SLC35F1: variants seen among roughly 807,000 people sequenced by gnomAD.
The protein encoded by SLC35F1 is solute carrier family 35 member F1.
A neutral mutation model predicts 48.7 loss-of-function variants in SLC35F1; 14 were observed. That is an observed-to-expected ratio of 0.29 (90% CI 0.19 to 0.45). The LOEUF (loss-of-function observed/expected upper bound fraction) is 0.45, where lower values mean the gene tolerates loss of function less well. Ranked by LOEUF, SLC35F1 falls within the 20% of genes least tolerant of loss-of-function variation. SLC35F1 has a pLI of 1.00. For missense variants in SLC35F1, 404 were observed against 500.0 expected (o/e 0.81, Z 1.83); for synonymous variants, 190 against 202.2 (o/e 0.94, Z 0.51).
At chr6:118,238,401 G>A (rs1170992854) in intron 3 of SLC35F1, among the ~76,000 whole-genome samples, 1 of 148,908 alleles carries the variant, frequency 6.7e-6, no homozygotes, top group Non-Finnish European at 1.5e-5. Flanking sequence ...GTAGTCCTGG[G>A]TGATATAGCA....
chr6:118,103,328 T>C (rs1773284669), intron 1 of SLC35F1, among the ~76,000 whole-genome samples: 1 of 152,226 alleles, frequency 6.6e-6, no homozygotes, highest in Non-Finnish European at 1.5e-5. Context: ...TGCAGGTTTG[T>C]TACATATGTA....
At chr6:118,195,011 A>G (rs932901537) in intron 2 of SLC35F1, among the ~76,000 whole-genome samples, 1 of 152,224 alleles carries the variant, frequency 6.6e-6, no homozygotes, top group Non-Finnish European at 1.5e-5. Flanking sequence ...CTGCCAGAGC[A>G]AAATGTGTGT....
chr6:118,166,885 CT>C (rs1468109580), intron 2 of SLC35F1, among the ~76,000 whole-genome samples: 2 of 152,122 alleles, frequency 1.3e-5, no homozygotes, highest in Non-Finnish European at 2.9e-5. Context: ...GAGTTTTATA[CT>C]TTTAGTTCTG....
intron 1 of SLC35F1, among the ~76,000 whole-genome samples, chr6:118,082,102 G>T (rs1225522725): frequency 6.6e-6 from 1 of 152,190 alleles, no homozygotes; most frequent in African/African-American, 2.4e-5. Context: ...CATATGAAAT[G>T]CTTACATAGC....
chr6:118,076,985 C>T (rs1172292873), intron 1 of SLC35F1, among the ~76,000 whole-genome samples: 2 of 152,110 alleles, frequency 1.3e-5, no homozygotes, highest in Non-Finnish European at 2.9e-5. Context: ...CTTTTCAAGC[C>T]TCTTTCGTCT....
chr6:118,235,984 C>A (rs749773443), intron 3 of SLC35F1, among the ~76,000 whole-genome samples: 3 of 152,010 alleles, frequency 2.0e-5, no homozygotes, highest in Non-Finnish European at 4.4e-5. Flanking sequence ...CTTATGTTAG[C>A]AGGAGAATTA....
chr6:118,081,835 GTC>G (rs1174497739), intron 1 of SLC35F1, among the ~76,000 whole-genome samples: 3 of 152,160 alleles, frequency 2.0e-5, no homozygotes, highest in African/African-American at 7.2e-5. Flanking sequence ...TTTGCTGTGA[GTC>G]TGCAGAATGG....
chr6:118,041,224 G>T (rs923627650), intron 1 of SLC35F1, among the ~76,000 whole-genome samples: 1 of 152,092 alleles, frequency 6.6e-6, no homozygotes, highest in African/African-American at 2.4e-5. Flanking sequence ...TATAAAGGAG[G>T]TTGAATATTT....
In SLC35F1 at chr6:118,139,168, A is replaced by G. The variant is rs185597653; in HGVS notation, c.174-15277A>G. ...CGCTCTAGTGCCCAGGCTGGAGCGC[A>G]GTGGTGTGATCTCAGCTCACTGCAA... On this transcript the variant is annotated intron_variant, in intron 1 of 7. Coordinates refer to ENST00000360388, the MANE Select transcript of SLC35F1 (RefSeq NM_001029858.4). 3.5e-3 allele frequency among the ~76,000 whole-genome samples: 526 copies of G among 152,222 alleles called. 5 individuals are homozygous for G. The highest frequency in any genetic ancestry group is 0.012 in the African/African-American group (486 of 41,534).
chr6:118,139,831 T>C (rs1189944498), intron 1 of SLC35F1, among the ~76,000 whole-genome samples: 1 of 152,220 alleles, frequency 6.6e-6, no homozygotes, highest in East Asian at 1.9e-4. Context: ...CAGGCAGCAT[T>C]ATTGCTGCTG....
At chr6:118,157,977 G>T (rs1774170852) in intron 2 of SLC35F1, among the ~76,000 whole-genome samples, 1 of 152,192 alleles carries the variant, frequency 6.6e-6, no homozygotes, top group African/African-American at 2.4e-5. Flanking sequence ...TGGACAGGAA[G>T]AAAGACCAAT....
chr6:118,306,750 C>A (rs750936354), intron 7 of SLC35F1, among the ~76,000 whole-genome samples: 1 of 152,124 alleles, frequency 6.6e-6, no homozygotes, highest in Non-Finnish European at 1.5e-5. Context: ...TATTGGAATG[C>A]AGAAAATAGA....
intron 2 of SLC35F1, among the ~76,000 whole-genome samples, chr6:118,161,060 T>C (rs1388421515): frequency 6.6e-6 from 1 of 151,568 alleles, no homozygotes; most frequent in Non-Finnish European, 1.5e-5. Flanking sequence ...CCATGACCAA[T>C]ACCACATGTA....
chr6:118,226,986 TA>T (rs1190249773), intron 2 of SLC35F1, among the ~76,000 whole-genome samples: 2 of 152,252 alleles, frequency 1.3e-5, no homozygotes, highest in African/African-American at 4.8e-5. Context: ...AATCAATAAA[TA>T]AATTAATTAA....
intron 1 of SLC35F1, among the ~76,000 whole-genome samples, chr6:117,964,910 A>G (rs1164371826): frequency 2.0e-5 from 3 of 152,212 alleles, no homozygotes; most frequent in Non-Finnish European, 4.4e-5. Context: ...TTAGGGGTTC[A>G]TATAGCAGGG....
chr6:118,160,091 C>T (rs1774208259), intron 2 of SLC35F1, among the ~76,000 whole-genome samples: 1 of 152,140 alleles, frequency 6.6e-6, no homozygotes, highest in Admixed American at 6.5e-5. Flanking sequence ...TTTTCCTCCT[C>T]AATTTCCTCC....
chr6:118,290,568 AT>A (rs1431767327), intron 7 of SLC35F1, among the ~76,000 whole-genome samples: 3 of 152,052 alleles, frequency 2.0e-5, no homozygotes, highest in Non-Finnish European at 2.9e-5. Flanking sequence ...TAAAAAAAAA[AT>A]TTATTTGCCT....
At chr6:118,101,827 A>G (rs1773262379) in intron 1 of SLC35F1, among the ~76,000 whole-genome samples, 1 of 152,236 alleles carries the variant, frequency 6.6e-6, no homozygotes. Flanking sequence ...TACTGTGTTT[A>G]TAATTTACTC....
At chr6:118,277,780 T>C (rs577432548) in intron 6 of SLC35F1, among the ~76,000 whole-genome samples, 6 of 151,996 alleles carry the variant, frequency 3.9e-5, no homozygotes, top group Admixed American at 2.0e-4. Context: ...AAGATGCCAT[T>C]AGGGGAGACA....
Sources: gnomAD v4.1 joint callset for allele counts (sites outside exome capture counted in the v4.1 genomes callset) on GRCh38, gnomAD v4.1.1 for gene constraint, MANE v1.5 for transcripts, NCBI Gene and HGNC (gene_info 2026-07-23, HGNC 2026-07-21) for gene names.